ANXA8: variants seen among roughly 807,000 people sequenced by gnomAD.
ANXA8 encodes the protein annexin A8, also known as VAC-beta.
A neutral mutation model predicts 26.8 loss-of-function variants in ANXA8; 9 were observed. The ratio of observed to expected loss-of-function variants is 0.34; its 90% CI spans 0.20 to 0.59. The LOEUF is 0.59. Ranked by LOEUF, ANXA8 falls within the 20% of genes least tolerant of loss-of-function variation. The pLI is 0.84. For synonymous variants in ANXA8, 39 were observed against 94.8 expected, an observed-to-expected ratio of 0.41 and a Z score of 3.42; for missense variants, 83 against 238.5, an observed-to-expected ratio of 0.35 and a Z score of 4.29.
At chr10:47,678,471 A>G in the ANXA8 span, among the ~76,000 whole-genome samples, 1 of 137,322 alleles carries the variant, frequency 7.3e-6, no homozygotes, top group Non-Finnish European at 1.6e-5. Flanking sequence ...AAGACTCACA[A>G]GTAGTATCTA....
the ANXA8 span, among the ~76,000 whole-genome samples, chr10:47,637,527 T>C: frequency 7.0e-6 from 1 of 143,362 alleles, no homozygotes; most frequent in Non-Finnish European, 1.5e-5. Context: ...AGCACATTAA[T>C]CTGGAAGCCA....
the ANXA8 span, among the ~76,000 whole-genome samples, chr10:47,613,249 T>C: frequency 5.3e-5 from 8 of 149,772 alleles, no homozygotes; most frequent in Non-Finnish European, 8.9e-5. Flanking sequence ...TGAAGCTTTT[T>C]CTCAAAATTT....
At chr10:47,612,788 G>A in the ANXA8 span, among the ~76,000 whole-genome samples, 2 of 74,038 alleles carry the variant, frequency 2.7e-5, 1 homozygote, top group East Asian at 5.3e-4. Context: ...CTTGCCATAC[G>A]ATACCCTGTG....
At chr10:47,561,277 TTTG>T in the ANXA8 span, among the ~76,000 whole-genome samples, 68 of 151,660 alleles carry the variant, frequency 4.5e-4, 1 homozygote, top group African/African-American at 1.6e-3. Flanking sequence ...TGCAGTACTT[TTTG>T]TTGTTGTTGT....
the ANXA8 span, among the ~76,000 whole-genome samples, chr10:47,649,382 AAATAGAT>A: frequency 1.3e-5 from 2 of 151,556 alleles, no homozygotes; most frequent in African/African-American, 4.9e-5. Flanking sequence ...CAAAAACAGC[AAATAGAT>A]AAATTGGACT....
the ANXA8 span, among the ~76,000 whole-genome samples, chr10:47,506,072 A>G: frequency 3.7e-5 from 5 of 135,572 alleles, no homozygotes; most frequent in Admixed American, 1.5e-4. Context: ...AACATAAACC[A>G]ATATATTCCA....
chr10:47,756,541 C>T, the ANXA8 span, among the ~76,000 whole-genome samples: 1 of 136,576 alleles, frequency 7.3e-6, no homozygotes, highest in African/African-American at 2.7e-5. Context: ...CTCACTGGGC[C>T]CCCAGGCCCC....
At chr10:47,658,152 G>T in the ANXA8 span, among the ~76,000 whole-genome samples, 20 of 151,810 alleles carry the variant, frequency 1.3e-4, no homozygotes, top group African/African-American at 4.6e-4. Flanking sequence ...GGTGGATCAC[G>T]AGATCAAGAG....
chr10:47,588,164 C>T, the ANXA8 span, among the ~76,000 whole-genome samples: 27 of 143,188 alleles, frequency 1.9e-4, 1 homozygote, highest in East Asian at 5.8e-4. Context: ...CTAACAGGAA[C>T]GAAATTGCAT....
chr10:47,973,477 T>C, the ANXA8 span: 1 of 147,434 alleles, frequency 6.8e-6, no homozygotes, highest in Non-Finnish European at 1.5e-5. Context: ...ATGAAGGCTC[T>C]CTGAGGTATG....
the ANXA8 span, chr10:47,565,452 C>T: frequency 4.7e-6 from 2 of 429,306 alleles, no homozygotes; most frequent in Non-Finnish European, 8.2e-6. Context: ...GACATCAAGT[C>T]GGCCTACGCC....
chr10:47,660,435 C>T, the ANXA8 span, among the ~76,000 whole-genome samples: 568 of 151,102 alleles, frequency 3.8e-3, no homozygotes, highest in Non-Finnish European at 4.7e-3. Context: ...CAGTCTCGTC[C>T]TGATGGCCAG....
At chr10:47,585,551 A>G in the ANXA8 span, among the ~76,000 whole-genome samples, 1 of 145,170 alleles carries the variant, frequency 6.9e-6, no homozygotes, top group African/African-American at 2.7e-5. Flanking sequence ...GAGGACAATG[A>G]GACCAAGACA....
the ANXA8 span, among the ~76,000 whole-genome samples, chr10:47,939,969 C>A: frequency 7.2e-6 from 1 of 139,532 alleles, no homozygotes; most frequent in Admixed American, 7.3e-5. Context: ...AGCACCCCCT[C>A]ACTCCCACCC....
At chr10:47,707,559 G>C in the ANXA8 span, among the ~76,000 whole-genome samples, 1 of 139,516 alleles carries the variant, frequency 7.2e-6, no homozygotes, top group Non-Finnish European at 1.6e-5. Flanking sequence ...GCTAATTTTT[G>C]TATTTTTTGT....
chr10:47,951,185 A>G, the ANXA8 span, among the ~76,000 whole-genome samples: 2 of 149,980 alleles, frequency 1.3e-5, no homozygotes, highest in African/African-American at 5.0e-5. Context: ...CAAATTTGAC[A>G]ACCCAGAGGA....
chr10:47,763,454 T>C, the ANXA8 span: 1 of 682,888 alleles, frequency 1.5e-6, no homozygotes, highest in African/African-American at 1.9e-5. Flanking sequence ...TGCCGGTAAC[T>C]TAAGAAGCAT....
chr10:47,551,264 GACCTCAGTTTTCTTGTCCAT>G, the ANXA8 span, among the ~76,000 whole-genome samples: 1 of 151,358 alleles, frequency 6.6e-6, no homozygotes, highest in Non-Finnish European at 1.5e-5. Context: ...TTGTTTTCTT[GACCTCAGTTTTCTTGTCCAT>G]AAAATGAGGG....
At chr10:47,655,606 T>C in the ANXA8 span, among the ~76,000 whole-genome samples, 1,092 of 151,630 alleles carry the variant, frequency 7.2e-3, no homozygotes, top group Non-Finnish European at 0.011. Context: ...GAAATGAAGA[T>C]TGAACGGGAG....
Sources: gnomAD v4.1 joint callset for allele counts (sites outside exome capture counted in the v4.1 genomes callset) on GRCh38, gnomAD v4.1.1 for gene constraint, MANE v1.5 for transcripts, NCBI Gene and HGNC (gene_info 2026-07-23, HGNC 2026-07-21) for gene names.